The following CNDP1 variants were observed in gnomAD, a reference collection of about 807,000 sequenced individuals.
CNDP1 encodes beta-Ala-His dipeptidase.
A neutral mutation model predicts 58.1 loss-of-function variants in CNDP1; 44 were observed. The ratio of observed to expected loss-of-function variants is 0.76; its 90% CI spans 0.60 to 0.97. The LOEUF (loss-of-function observed/expected upper bound fraction) is 0.97. Among genes scored for constraint, CNDP1 ranks in the 50% least tolerant of loss-of-function variants. The pLI is 0.00. For missense variants in CNDP1, 616 were observed against 655.1 expected, an observed-to-expected ratio of 0.94 and a Z score of 0.65; for synonymous variants, 254 against 252.6, an observed-to-expected ratio of 1.01 and a Z score of -0.05.
At chr18:74,583,526 T>C (rs11659237) in intron 10 of CNDP1, 35 bp from the exon 11 acceptor site, 1,059,464 of 1,601,126 alleles carry the variant, frequency 0.66, 353,701 homozygotes, top group South Asian at 0.73. Flanking sequence ...GTTCTTGTCC[T>C]TACCCTATTC....
intron 5 of CNDP1, 162 bp from the exon 6 acceptor site, chr18:74,567,070 AT>A: frequency 1.6e-6 from 1 of 624,130 alleles, no homozygotes; most frequent in Non-Finnish European, 2.9e-6. Flanking sequence ...TATCACGAGA[AT>A]AGCACAGGAA....
At chr18:74,574,263 A>AC (rs1981572659) in intron 7 of CNDP1, among the ~76,000 whole-genome samples, 1 of 152,212 alleles carries the variant, frequency 6.6e-6, no homozygotes, top group Non-Finnish European at 1.5e-5. Flanking sequence ...ATGCATGATA[A>AC]CCTCCACTAA....
At chr18:74,540,202 GGCT>G (rs1980583606) in intron 1 of CNDP1, among the ~76,000 whole-genome samples, 1 of 149,404 alleles carries the variant, frequency 6.7e-6, no homozygotes, top group African/African-American at 2.5e-5. Context: ...CTGTTGCCCA[GGCT>G]AGAGTGCAAT....
intron 2 of CNDP1, among the ~76,000 whole-genome samples, chr18:74,558,438 A>G (rs1230272995): frequency 7.8e-6 from 1 of 127,892 alleles, no homozygotes; most frequent in East Asian, 2.2e-4. Context: ...TCTGTCACCC[A>G]GACTGGAGTG....
At chr18:74,553,833 A>G (rs1980969760) in intron 1 of CNDP1, among the ~76,000 whole-genome samples, 2 of 152,168 alleles carry the variant, frequency 1.3e-5, no homozygotes, top group South Asian at 2.1e-4. Flanking sequence ...ATCAGTGTTC[A>G]GCACCAGTTT....
At chr18:74,555,638 C>T (rs554475627) in intron 1 of CNDP1, among the ~76,000 whole-genome samples, 41 of 152,076 alleles carry the variant, frequency 2.7e-4, no homozygotes, top group East Asian at 5.8e-4. Flanking sequence ...CAGAGGTGGA[C>T]GGGCTGGGGA....
rs200085223 is a variant in CNDP1 at position 74,556,399 on chromosome 18, C to T, written c.86C>T (p.Ser29Phe). Residue 29 changes from serine to phenylalanine, a missense_variant, in exon 2 of 12, where the codon TCC becomes TTC. Coordinates refer to ENST00000358821, the MANE Select transcript of CNDP1 (RefSeq NM_032649.6). ...LLERGMFSSP[S>F]PPPALLEKVF... ...GAGCGCGGCATGTTCTCCTCACCCTCCCCGCCCCCGGCGCTGTTAGAGAAA... is the reference window on the plus strand; with the variant it reads ...GAGCGCGGCATGTTCTCCTCACCCTTCCCGCCCCCGGCGCTGTTAGAGAAA... The T allele has an allele frequency of 7.4e-6, 12 of 1,614,090 alleles. No individual in the cohort carries two copies. In the East Asian group the frequency reaches 1.3e-4, roughly 18 times the overall value.
At chr18:74,549,206 TTTAG>T (rs1364463031) in intron 1 of CNDP1, among the ~76,000 whole-genome samples, 2 of 152,236 alleles carry the variant, frequency 1.3e-5, no homozygotes, top group Admixed American at 1.3e-4. Flanking sequence ...GCATTCTGGT[TTTAG>T]TTAGTGGTAT....
chr18:74,569,247 A>G (rs1387926875), intron 6 of CNDP1, among the ~76,000 whole-genome samples: 1 of 152,154 alleles, frequency 6.6e-6, no homozygotes, highest in African/African-American at 2.4e-5. Flanking sequence ...CATACCGAAG[A>G]TTGCTCTGGT....
chr18:74,575,879 T>TG (rs1981623740), intron 7 of CNDP1, among the ~76,000 whole-genome samples: 1 of 144,214 alleles, frequency 6.9e-6, no homozygotes, highest in African/African-American at 2.5e-5. Flanking sequence ...TTTTTTTTTT[T>TG]TTTTTTTTGA....
intron 1 of CNDP1, among the ~76,000 whole-genome samples, chr18:74,547,565 A>G (rs1980793702): frequency 6.6e-6 from 1 of 152,260 alleles, no homozygotes; most frequent in African/African-American, 2.4e-5. Context: ...GGCAGGAGAC[A>G]GAAGTGTCCT....
chr18:74,573,556 G>A (rs1275876993), intron 7 of CNDP1, among the ~76,000 whole-genome samples: 2 of 152,096 alleles, frequency 1.3e-5, no homozygotes, highest in African/African-American at 4.8e-5. Context: ...CAATTCAGAC[G>A]GAATACACCC....
At chr18:74,571,147 G>A (rs1981468092) in intron 6 of CNDP1, 39 bp from the exon 7 acceptor site, 1 of 1,374,232 alleles carries the variant, frequency 7.3e-7, no homozygotes, top group Non-Finnish European at 1.0e-6. Flanking sequence ...AAGGAACCAA[G>A]GCAGGAAGTA....
rs1463248535 is a variant in CNDP1, at chr18:74,586,872, A to G, written c.*2310A>G. 2 of 152,198 alleles carry G rather than the reference A, an allele frequency of 1.3e-5. No individual in the cohort carries two copies. The highest frequency in any genetic ancestry group is 4.8e-5 in the African/African-American group (2 of 41,438). 9.4% of individuals were successfully genotyped at this position (152,198 alleles called of 1,614,324 possible). The stretch of plus-strand genomic sequence containing the variant: ...AGAAAGCTACTCAGTTGTTATTCAG[A>G]TATATTAACCAGCCATATGGAGGCA... On this transcript the variant is annotated 3_prime_UTR_variant, in exon 12 of 12. Transcript: ENST00000358821.
In CNDP1 at chr18:74,545,683, C is replaced by T. The variant is rs566854473; in HGVS notation, c.25-10655C>T. Among the ~76,000 whole-genome samples the T allele has an allele frequency of 6.6e-5, 10 of 152,254 alleles. No homozygotes were observed. The highest frequency in any genetic ancestry group is 5.8e-4 in the East Asian group (3 of 5,176). On this transcript the variant is annotated intron_variant, in intron 1 of 11. Transcript: ENST00000358821. The surrounding 1 kb of genome is among the most constrained non-coding windows in gnomAD (Gnocchi z 4.1). ...CTCCTCCTCTCTGCTGTTCTGCGGC[C>T]GGAACATCTTAATTTCACGTGCTGC...
chr18:74,534,649 G>C lies in CNDP1; in HGVS notation c.-19G>C. ...TTGGAGGTTGGGAAAGTTGCTAGAGGCTTCAGAACTCCAGCCTAATGGATC... is the reference window on the plus strand; with the variant it reads ...TTGGAGGTTGGGAAAGTTGCTAGAGCCTTCAGAACTCCAGCCTAATGGATC... On this transcript the variant is annotated 5_prime_UTR_variant, in exon 1 of 12. Transcript: ENST00000358821. 6.2e-7 allele frequency: 1 copy of C among 1,614,108 alleles called. No homozygotes were observed. Among genetic ancestry groups the C allele is most frequent in the South Asian group, 1.1e-5 (1 of 91,072 alleles).
At chr18:74,548,370 C>G (rs946272177) in intron 1 of CNDP1, among the ~76,000 whole-genome samples, 2 of 152,158 alleles carry the variant, frequency 1.3e-5, no homozygotes, top group African/African-American at 4.8e-5. Context: ...CCTGCTCTTG[C>G]TCACATTCTT....
rs776178139 is a variant in CNDP1, at chr18:74,578,147, T to C, written c.1003-16T>C. 6.3e-7 allele frequency: 1 copy of C among 1,597,226 alleles called. No homozygotes were observed. The highest frequency in any genetic ancestry group is 8.5e-7 in the Non-Finnish European group (1 of 1,173,312). ...TTCTAATTAAGCATCCTTTGGATAA[T>C]TTTATTTTAATATAGGAGGAGATTC... On this transcript the variant is annotated splice_polypyrimidine_tract_variant and intron_variant, in intron 8 of 11. Transcript: ENST00000358821.
At chr18:74,534,788 C>A (rs1159044779) in intron 1 of CNDP1, 97 bp downstream of exon 1, 1 of 1,405,404 alleles carries the variant, frequency 7.1e-7, no homozygotes, top group African/African-American at 1.4e-5. Flanking sequence ...GCAGGGCAGG[C>A]ACCCAGCGTG....
Sources: allele counts gnomAD v4.1 joint callset (sites outside exome capture counted in the v4.1 genomes callset), GRCh38; gene constraint gnomAD v4.1.1; non-coding constraint Gnocchi (gnomAD v3.1); transcripts MANE v1.5; gene names NCBI Gene and HGNC (gene_info 2026-07-23, HGNC 2026-07-21).